Variants in LAMA1 observed in about 807,000 individuals in gnomAD.
LAMA1 encodes laminin subunit alpha 1.
LAMA1 carries 219 observed loss-of-function variants against 348.7 expected under a neutral mutation model. The ratio of observed to expected loss-of-function variants is 0.63; its 90% CI spans 0.56 to 0.70. The LOEUF (loss-of-function observed/expected upper bound fraction) is 0.70, where lower values mean the gene tolerates loss of function less well. LAMA1 is among the 30% of genes least tolerant of loss of function. The probability of loss-of-function intolerance (pLI) is 0.00; values close to 1 mark genes in which losing one functional copy is unlikely to be tolerated. For missense variants in LAMA1, 3,744 were observed against 3,888.0 expected (o/e 0.96, Z 0.99); for synonymous variants, 1,487 against 1,491.0 (o/e 1.00, Z 0.06).
At chr18:6,962,682 T>G (rs560107596) in intron 51 of LAMA1, among the ~76,000 whole-genome samples, 10 of 152,136 alleles carry the variant, frequency 6.6e-5, no homozygotes, top group Non-Finnish European at 1.3e-4. Flanking sequence ...TAGATTATAA[T>G]CCAGTCTCCA....
intron 21 of LAMA1, among the ~76,000 whole-genome samples, chr18:7,016,123 G>A (rs1430658849): frequency 6.6e-6 from 1 of 152,094 alleles, no homozygotes; most frequent in African/African-American, 2.4e-5. Flanking sequence ...GATCACAGAG[G>A]GAGCCAATAT....
At position 7,036,057 on chromosome 18, in the gene LAMA1, G is replaced by A. The variant is rs758586817; in HGVS notation, c.1769C>T (p.Thr590Met). The A allele has an allele frequency of 1.7e-5, 27 of 1,613,966 alleles. No individual in the cohort carries two copies. The highest frequency in any genetic ancestry group is 3.3e-5 in the Admixed American group (2 of 60,010). Residue 590 changes from threonine to methionine, a missense_variant, in exon 13 of 63, where the codon ACG becomes ATG. Thr to Met is a moderately conservative substitution (Grantham distance 81, BLOSUM62 -1). Coordinates refer to ENST00000389658, the MANE Select transcript of LAMA1 (RefSeq NM_005559.4). Reference protein sequence around the residue: ...LTAFGGFLKYTVSYDIPVETV... With the variant: ...LTAFGGFLKYMVSYDIPVETV... ...CTCTACCGGAATATCGTAGGACACC[G>A]TGTATTTCAGGAATCCGCCAAACGC...
At position 7,009,834 on chromosome 18, in the gene LAMA1, G is replaced by C. The variant is rs191688571; in HGVS notation, c.3873+366C>G. On this transcript the variant is annotated intron_variant, in intron 26 of 62. Coordinates refer to ENST00000389658, the MANE Select transcript of LAMA1 (RefSeq NM_005559.4). ...TTTTGATCCCAGGGTCTTCTTGCTC[G>C]GTCTCTCTGTCGCACAAGCTGGAGT... Among the ~76,000 whole-genome samples the C allele has an allele frequency of 1.7e-3, 262 of 152,166 alleles. 1 individual carries two copies. Among genetic ancestry groups the C allele is most frequent in the Non-Finnish European group, 2.8e-3 (190 of 68,016 alleles).
chr18:6,947,380 G>A (rs1015886978), intron 60 of LAMA1, 84 bp from the exon 61 acceptor site: 4 of 1,555,276 alleles, frequency 2.6e-6, no homozygotes, highest in African/African-American at 2.7e-5. Context: ...AGGGGTTGGG[G>A]GACCTGGCTC....
intron 3 of LAMA1, among the ~76,000 whole-genome samples, chr18:7,069,387 A>C (rs1005283134): frequency 6.6e-6 from 1 of 152,180 alleles, no homozygotes; most frequent in African/African-American, 2.4e-5. Context: ...TAAGATATGC[A>C]AGGCTGCAAA....
At chr18:6,973,517 A>G (rs1256255660) in intron 46 of LAMA1, among the ~76,000 whole-genome samples, 2 of 152,202 alleles carry the variant, frequency 1.3e-5, no homozygotes, top group African/African-American at 2.4e-5. Flanking sequence ...ACAAACCATA[A>G]TATTATAGAA....
intron 55 of LAMA1, 87 bp downstream of exon 55, chr18:6,958,386 TCAAA>T: frequency 2.1e-6 from 3 of 1,435,234 alleles, no homozygotes; most frequent in Non-Finnish European, 2.9e-6. Flanking sequence ...GTTTTCAATC[TCAAA>T]CAGTACAATG....
intron 1 of LAMA1, among the ~76,000 whole-genome samples, chr18:7,092,113 G>A (rs569768671): frequency 6.6e-6 from 1 of 152,290 alleles, no homozygotes; most frequent in South Asian, 2.1e-4. Context: ...CATTCTCACT[G>A]GGATTGATAC....
At position 7,026,637 on chromosome 18, in the gene LAMA1, G is replaced by A. The variant is rs574343065; in HGVS notation, c.2275-531C>T. Among the ~76,000 whole-genome samples the A allele has an allele frequency of 7.9e-5, 12 of 152,206 alleles. No homozygotes were observed. In the South Asian group the frequency reaches 8.3e-4, roughly 11 times the overall value. On this transcript the variant is annotated intron_variant, in intron 16 of 62. Coordinates refer to ENST00000389658, the MANE Select transcript of LAMA1 (RefSeq NM_005559.4). ...AGACTCATCCTTGACAAAGTATTCC[G>A]GCCTGAATAATCCAAGAGAAACAAA...
At chr18:7,047,179 G>C (rs2058045062) in intron 5 of LAMA1, among the ~76,000 whole-genome samples, 1 of 151,814 alleles carries the variant, frequency 6.6e-6, no homozygotes, top group African/African-American at 2.4e-5. Flanking sequence ...TGAGTAGCTG[G>C]GATTACAGGC....
Position 6,961,726 on chromosome 18 carries a change from A to G in LAMA1, c.7486T>C (p.Tyr2496His), listed in dbSNP as rs1568008771. The G allele has an allele frequency of 1.2e-6, 2 of 1,614,158 alleles. No homozygotes were observed. The highest frequency in any genetic ancestry group is 1.7e-6 in the Non-Finnish European group (2 of 1,180,020). ...IRSVSFLKGG[Y>H]IELPPKSLSP... is the part of the protein sequence containing the mutation. The stretch of plus-strand genomic sequence containing the variant: ...AAAGATTTGGGTGGCAATTCAATGT[A>G]GCCGCCTTTCAGGAAGCTAACACTC... Residue 2496 changes from tyrosine (Y) to histidine (H), a missense_variant, in exon 53 of 63, where the codon TAC becomes CAC. Tyr to His is a moderately conservative substitution (Grantham distance 83). Coordinates refer to ENST00000389658, the MANE Select transcript of LAMA1 (RefSeq NM_005559.4).
chr18:7,038,703 A>G, intron 11 of LAMA1, 107 bp downstream of exon 11: 1 of 1,426,964 alleles, frequency 7.0e-7, no homozygotes. Flanking sequence ...TAGCGATGAG[A>G]GTGGTGTCAC....
intron 36 of LAMA1, 64 bp downstream of exon 36, chr18:6,992,497 T>G: frequency 2.3e-4 from 347 of 1,526,388 alleles, no homozygotes; most frequent in Non-Finnish European, 2.8e-4. Flanking sequence ...CCTTCTCCTT[T>G]GGAGATAGCG....
Position 6,953,551 on chromosome 18 carries a change from C to T in LAMA1, c.8207+1802G>A, listed in dbSNP as rs567130436. ...ATCCCCCGAGGAGAAGGGGAAACTA[C>T]TCTACAGGCACAGACTCTGGAGCCA... On this transcript the variant is annotated intron_variant, in intron 57 of 62. Coordinates refer to ENST00000389658, the MANE Select transcript of LAMA1 (RefSeq NM_005559.4). 1.2e-4 allele frequency among the ~76,000 whole-genome samples: 18 copies of T among 152,282 alleles called. No homozygotes were observed. The South Asian group carries it at 3.5e-3, about 30-fold the overall frequency.
chr18:6,955,102 GCA>G, intron 57 of LAMA1: 1 of 528,608 alleles, frequency 1.9e-6, no homozygotes, highest in Non-Finnish European at 3.4e-6. Context: ...TTCCTTACAT[GCA>G]CACAGAAAGG....
At chr18:7,071,387 G>A (rs1370349030) in intron 3 of LAMA1, among the ~76,000 whole-genome samples, 1 of 152,186 alleles carries the variant, frequency 6.6e-6, no homozygotes, top group Non-Finnish European at 1.5e-5. Context: ...ATATGTACCT[G>A]TTAATAACAT....
Position 6,956,713 on chromosome 18 carries a change from AG to A in LAMA1, c.8016del (p.Cys2673AlafsTer69). Reference sequence around the variant, plus strand: ...AGCTTAGGCCTTTCTGACAGCCAGCAGGTGTCCAGGTCGACTTGCTCATGGC... The same window carrying A: ...AGCTTAGGCCTTTCTGACAGCCAGCAGTGTCCAGGTCGACTTGCTCATGGC... ...AVGHEQVDLD[T>X]CWLSERPKLA... On this transcript the variant is annotated frameshift_variant, in exon 56 of 63. Coordinates refer to ENST00000389658, the MANE Select transcript of LAMA1 (RefSeq NM_005559.4). LOFTEE classifies it high-confidence loss of function. The A allele has an allele frequency of 6.2e-7, 1 of 1,614,224 alleles. No homozygotes were observed. The highest frequency in any genetic ancestry group is 8.5e-7 in the Non-Finnish European group (1 of 1,180,040).
intron 35 of LAMA1, 22 bp downstream of exon 35, chr18:6,993,619 A>G (rs1182884340): frequency 9.9e-6 from 15 of 1,513,000 alleles, no homozygotes; most frequent in Non-Finnish European, 1.2e-5. Context: ...AGATACTTCA[A>G]ACTAGACACT....
At chr18:7,017,869 T>C (rs1348706633) in intron 19 of LAMA1, among the ~76,000 whole-genome samples, 1 of 152,192 alleles carries the variant, frequency 6.6e-6, no homozygotes, top group Admixed American at 6.5e-5. Flanking sequence ...CAGTTCTAAG[T>C]CATGAGTCAT....
Sources: gnomAD v4.1 joint callset for allele counts (sites outside exome capture counted in the v4.1 genomes callset) on GRCh38, gnomAD v4.1.1 for gene constraint, MANE v1.5 for transcripts, NCBI Gene and HGNC (gene_info 2026-07-23, HGNC 2026-07-21) for gene names.